FREM2: variants seen among roughly 807,000 people sequenced by gnomAD.
FREM2 encodes the protein FRAS1 related extracellular matrix 2.
FREM2 carries 119 observed loss-of-function variants against 219.9 expected under a neutral mutation model. The observed-to-expected ratio is 0.54, with a 90% CI of 0.47 to 0.63. FREM2 has a LOEUF of 0.63. Among genes scored for constraint, FREM2 ranks in the 30% least tolerant of loss-of-function variants. FREM2 has a pLI of 0.00. For missense variants in FREM2, 4,030 were observed against 3,993.6 expected (o/e 1.01, Z -0.25); for synonymous variants, 1,562 against 1,522.8 (o/e 1.03, Z -0.60).
At position 38,688,575 on chromosome 13, in the gene FREM2, G is replaced by T. The variant is rs1324418611; in HGVS notation, c.1231G>T (p.Glu411Ter). 14 of 1,613,670 alleles carry T rather than the reference G, an allele frequency of 8.7e-6. No individual in the cohort carries two copies. The highest frequency in any genetic ancestry group is 1.1e-5 in the Non-Finnish European group (13 of 1,179,692). Residue 411 changes from glutamate (E) to a stop codon, truncating the protein, a stop_gained, in exon 1 of 24, where the codon GAA (glutamate) becomes TAA (stop). Coordinates refer to ENST00000280481, the MANE Select transcript of FREM2 (RefSeq NM_207361.6). LOFTEE classifies it high-confidence loss of function. ...TGACCAGGAGCGCCTCTTTGAACTG[G>T]AATTGGAGGTAGTGGATCTAGAAGG... ...DSDQERLFEL[E>*]LEVVDLEGAA...
At position 38,727,035 on chromosome 13, in the gene FREM2, C is replaced by A. The variant is rs368858623; in HGVS notation, c.5263+29248C>A. On this transcript the variant is annotated intron_variant, in intron 2 of 23. Coordinates refer to ENST00000280481, the MANE Select transcript of FREM2 (RefSeq NM_207361.6). Reference sequence around the variant, plus strand: ...TTCTTTATTGAATCTAATTAGGGTGCGAAGAAAGTATTGTTTTAATTCTTC... The same window carrying A: ...TTCTTTATTGAATCTAATTAGGGTGAGAAGAAAGTATTGTTTTAATTCTTC... Among the ~76,000 whole-genome samples, 3 of 152,124 alleles carry A rather than the reference C, an allele frequency of 2.0e-5. No individual in the cohort carries two copies. In the East Asian group the frequency reaches 5.8e-4, roughly 29 times the overall value.
chr13:38,756,710 G>GTA (rs924573965), intron 2 of FREM2, among the ~76,000 whole-genome samples: 1 of 151,300 alleles, frequency 6.6e-6, no homozygotes, highest in African/African-American at 2.4e-5. Flanking sequence ...GTGTGTGTGT[G>GTA]TATATTTTTA....
In FREM2 at chr13:38,689,531, T is replaced by G; in HGVS notation, c.2187T>G (p.Thr729=). ...TPLRKKWLRY[T]DLDTDDRELR... The stretch of plus-strand genomic sequence containing the variant: ...TGAGGAAGAAGTGGCTGCGCTACAC[T>G]GACCTGGACACAGATGACCGAGAAC... Residue 729 remains threonine (T), a synonymous_variant, in exon 1 of 24, where the codon ACT becomes ACG. Coordinates refer to ENST00000280481, the MANE Select transcript of FREM2 (RefSeq NM_207361.6). 1 of 1,614,010 alleles carries G rather than the reference T, an allele frequency of 6.2e-7. No individual in the cohort carries two copies. Among genetic ancestry groups the G allele is most frequent in the Non-Finnish European group, 8.5e-7 (1 of 1,179,964 alleles).
chr13:38,716,208 A>G (rs1870993271), intron 2 of FREM2, among the ~76,000 whole-genome samples: 1 of 152,180 alleles, frequency 6.6e-6, no homozygotes, highest in African/African-American at 2.4e-5. Context: ...CCCATGACAA[A>G]GACCTTTACA....
intron 6 of FREM2, among the ~76,000 whole-genome samples, chr13:38,789,781 A>AT (rs945692896): frequency 1.3e-5 from 2 of 149,068 alleles, no homozygotes; most frequent in African/African-American, 4.9e-5. Context: ...ATCATGCTTT[A>AT]TTTTTTCTTC....
At position 38,763,464 on chromosome 13, in the gene FREM2, C is replaced by CTTTTT. The variant is rs1163604743; in HGVS notation, c.5264-831_5264-827dup. Among the ~76,000 whole-genome samples the CTTTTT allele has an allele frequency of 1.6e-4, 16 of 102,364 alleles. 1 individual carries two copies. The highest frequency in any genetic ancestry group is 2.8e-4 in the Non-Finnish European group (15 of 54,118). The allele number at this position is 102,364 out of a possible 152,430, so 67.2% of individuals were successfully genotyped here. A position where few individuals can be genotyped will look rare whatever the true frequency, so the allele number is the denominator to read the frequency against. ...CCTCTAGCTGTGTTTGTTACTTGGG[C>CTTTTT]TTTTTTTTTTTTTACACCCTCTTTC... On this transcript the variant is annotated intron_variant, in intron 2 of 23. Coordinates refer to ENST00000280481, the MANE Select transcript of FREM2 (RefSeq NM_207361.6).
rs781159559 is a variant in FREM2 at position 38,864,420 on chromosome 13, T to C, written c.7797T>C (p.Ala2599=). 4 of 1,614,044 alleles carry C rather than the reference T, an allele frequency of 2.5e-6. No individual in the cohort carries two copies. The African/African-American group carries it at 4.0e-5, about 16-fold the overall frequency. ...VKTHYGFLTD[A]TKNPEIIGET... ...CTCATTATGGTTTCTTGACTGATGCTACCAAAAATCCAGAAATAATTGGAG... is the reference window on the plus strand; with the variant it reads ...CTCATTATGGTTTCTTGACTGATGCCACCAAAAATCCAGAAATAATTGGAG... Residue 2599 remains alanine, a synonymous_variant, in exon 16 of 24, where the codon GCT becomes GCC. Transcript: ENST00000280481.
intron 8 of FREM2, among the ~76,000 whole-genome samples, chr13:38,849,177 C>T (rs150249917): frequency 6.6e-6 from 1 of 152,154 alleles, no homozygotes; most frequent in African/African-American, 2.4e-5. Context: ...CATACAAATA[C>T]CCTAGCTGAC....
intron 2 of FREM2, among the ~76,000 whole-genome samples, chr13:38,751,521 G>T (rs902680588): frequency 6.6e-6 from 1 of 152,018 alleles, no homozygotes; most frequent in Non-Finnish European, 1.5e-5. Flanking sequence ...CCTCTGGGAG[G>T]GGCCCATCCT....
chr13:38,794,011 G>A (rs1402887105), intron 6 of FREM2, among the ~76,000 whole-genome samples: 3 of 152,252 alleles, frequency 2.0e-5, no homozygotes, highest in East Asian at 1.9e-4. Flanking sequence ...CTTCAAATGC[G>A]GGATATCAAA....
chr13:38,878,958 A>T lies in FREM2; in HGVS notation c.8987A>T (p.Asp2996Val), dbSNP rs1014277656. 2.5e-6 allele frequency: 4 copies of T among 1,614,160 alleles called. No individual in the cohort carries two copies. Among genetic ancestry groups the T allele is most frequent in the Non-Finnish European group, 2.5e-6 (3 of 1,180,016 alleles). The change falls in exon 23 of 24, where the codon GAC becomes GTC. Residue 2996 changes from aspartate to valine, a missense_variant. This residue lies in a region of FREM2 where 928 missense variants were observed against 1,042.9 expected (regional missense o/e 0.89). Coordinates refer to ENST00000280481, the MANE Select transcript of FREM2 (RefSeq NM_207361.6). The stretch of plus-strand genomic sequence containing the variant: ...CCTGGATCTGATGGATTTAAAGTCG[A>T]CTCAACACCACTCTTTCAGGTAGGC... The part of the protein sequence containing the change: ...NQPGSDGFKV[D>V]STPLFQVALG...
intron 10 of FREM2, among the ~76,000 whole-genome samples, chr13:38,851,451 A>G (rs547156236): frequency 3.1e-4 from 47 of 152,286 alleles, no homozygotes; most frequent in African/African-American, 9.4e-4. Flanking sequence ...TATGGCACAT[A>G]TAGAGAGCTG....
chr13:38,874,772 A>G (rs1878286477), intron 18 of FREM2, among the ~76,000 whole-genome samples, 186 bp downstream of exon 18: 1 of 152,244 alleles, frequency 6.6e-6, no homozygotes, highest in African/African-American at 2.4e-5. Flanking sequence ...CCACAAAATT[A>G]TCATTATGCA....
In FREM2 at chr13:38,850,958, C is replaced by T. The variant is rs781688892; in HGVS notation, c.6592C>T (p.Pro2198Ser). ...ITFLPGETEK[P>S]CILELMDDVL... ...TATTGTTCCAGGTGAGACAGAAAAG[C>T]CCTGCATTCTTGAGCTGATGGACGA... Residue 2198 changes from proline (P) to serine (S), a missense_variant, in exon 10 of 24, where the codon CCC (proline) becomes TCC (serine). Around this residue, in one of 2 missense-constraint regions of FREM2, gnomAD observed 3,102 missense variants for 2,950.7 expected, o/e 1.05. Coordinates refer to ENST00000280481, the MANE Select transcript of FREM2 (RefSeq NM_207361.6). The T allele has an allele frequency of 1.9e-6, 3 of 1,612,412 alleles. No individual in the cohort carries two copies. Among genetic ancestry groups the T allele is most frequent in the Non-Finnish European group, 2.5e-6 (3 of 1,179,924 alleles).
chr13:38,810,523 A>T (rs957100848), intron 6 of FREM2, among the ~76,000 whole-genome samples: 3 of 152,006 alleles, frequency 2.0e-5, no homozygotes, highest in Admixed American at 1.3e-4. Flanking sequence ...GGGTTTTATC[A>T]TGAAGGATGT....
At position 38,689,459 on chromosome 13, in the gene FREM2, T is replaced by C; in HGVS notation, c.2115T>C (p.Ser705=). Residue 705 remains serine, a synonymous_variant, in exon 1 of 24, where the codon AGT becomes AGC. Transcript: ENST00000280481. The part of the protein sequence containing the change: ...PVDRLPPELG[S]GCPLRMVVQE... ...ATCGCCTCCCTCCGGAGCTGGGCAG[T>C]GGCTGTCCCCTTCGTATGGTGGTAC... The C allele has an allele frequency of 1.2e-6, 2 of 1,614,108 alleles. No individual in the cohort carries two copies. Among genetic ancestry groups the C allele is most frequent in the Non-Finnish European group, 1.7e-6 (2 of 1,180,004 alleles).
chr13:38,878,441 G>T, intron 22 of FREM2, 120 bp downstream of exon 22: 1 of 490,106 alleles, frequency 2.0e-6, no homozygotes, highest in Non-Finnish European at 3.7e-6. Flanking sequence ...ACTTTGGGAG[G>T]CCAAGGTAGA....
At chr13:38,801,333 G>T (rs1450019001) in intron 6 of FREM2, among the ~76,000 whole-genome samples, 3 of 152,090 alleles carry the variant, frequency 2.0e-5, no homozygotes, top group East Asian at 3.8e-4. Context: ...TTGGGATTTT[G>T]TGAATTTCCT....
At chr13:38,772,296 G>C (rs934762862) in intron 4 of FREM2, among the ~76,000 whole-genome samples, 1 of 152,246 alleles carries the variant, frequency 6.6e-6, no homozygotes, top group South Asian at 2.1e-4. Context: ...AGACCACAGG[G>C]GATGGGAAAG....
Sources: gnomAD v4.1 joint callset for allele counts (sites outside exome capture counted in the v4.1 genomes callset) on GRCh38, gnomAD v4.1.1 for gene constraint, gnomAD v4.1.1 regional missense constraint, MANE v1.5 for transcripts, NCBI Gene and HGNC (gene_info 2026-07-23, HGNC 2026-07-21) for gene names.